Variants in FAM204A observed in about 807,000 individuals in gnomAD.
FAM204A encodes protein FAM204A.
In FAM204A, 16 loss-of-function variants were observed where a neutral mutation model predicts 35.4. That is an observed-to-expected ratio of 0.45 (90% confidence interval 0.31 to 0.69). The LOEUF (loss-of-function observed/expected upper bound fraction) is 0.69. Among genes scored for constraint, FAM204A ranks in the 30% least tolerant of loss-of-function variants. The pLI is 0.07. For synonymous variants in FAM204A, 76 were observed against 86.9 expected (o/e 0.88, Z 0.70); for missense variants, 240 against 265.7 (o/e 0.90, Z 0.67).
At position 118,299,091 on chromosome 10, in the gene FAM204A, T is replaced by C. The variant is rs186037761; in HGVS notation, c.*11766A>G. On this transcript the variant is annotated 3_prime_UTR_variant, in exon 9 of 9. Coordinates refer to ENST00000369183, the MANE Select transcript of FAM204A (RefSeq NM_022063.3). Reference sequence around the variant, plus strand: ...TTCCCTCTGGGCCCACATCATTTTCTTGTCTTGGGCAGCAGATCATTCCTT... The same window carrying C: ...TTCCCTCTGGGCCCACATCATTTTCCTGTCTTGGGCAGCAGATCATTCCTT... The C allele has an allele frequency of 1.2e-4, 18 of 152,322 alleles. No individual in the cohort carries two copies. The highest frequency in any genetic ancestry group is 3.8e-4 in the African/African-American group (16 of 41,562). The allele number at this position is 152,322 out of a possible 1,614,324, so 9.4% of individuals were successfully genotyped here. A position where few individuals can be genotyped will look rare whatever the true frequency, so the allele number is the denominator to read the frequency against.
intron 6 of FAM204A, among the ~76,000 whole-genome samples, chr10:118,329,472 T>C (rs1450085530): frequency 2.0e-5 from 3 of 152,302 alleles, no homozygotes; most frequent in Non-Finnish European, 2.9e-5. Context: ...TCTGATGTGC[T>C]TCTCTTTGAA....
chr10:118,311,394 G>T, intron 7 of FAM204A, 81 bp from the exon 8 acceptor site: 1 of 1,100,752 alleles, frequency 9.1e-7, no homozygotes, highest in South Asian at 1.5e-5. Context: ...AAATAATTGA[G>T]AACTTGTGGG....
At chr10:118,325,551 C>T (rs1385982147) in intron 7 of FAM204A, among the ~76,000 whole-genome samples, 1 of 152,094 alleles carries the variant, frequency 6.6e-6, no homozygotes, top group Non-Finnish European at 1.5e-5. Flanking sequence ...AATATGAGCT[C>T]TTTAATCTAT....
chr10:118,335,141 C>A lies in FAM204A; in HGVS notation c.426G>T (p.Pro142=), dbSNP rs143996455. 4 of 1,613,046 alleles carry A rather than the reference C, an allele frequency of 2.5e-6. No individual in the cohort carries two copies. The African/African-American group carries it at 5.3e-5, about 22-fold the overall frequency. The change falls in exon 6 of 9, where the codon CCG becomes CCT. Residue 142 remains proline (P), a synonymous_variant. Transcript: ENST00000369183. ...TCTCAACTTTTTTCCTTTTAACAGG[C>A]GGGTCAAATCTATCATTGACTCCAA... The part of the protein sequence containing the change: ...QYFGVNDRFD[P]PVKRKKVEKS...
intron 8 of FAM204A, 74 bp downstream of exon 8, chr10:118,311,133 T>C (rs1845945307): frequency 1.5e-6 from 2 of 1,371,352 alleles, no homozygotes; most frequent in Admixed American, 4.0e-5. Flanking sequence ...ATACACGAAC[T>C]AGATCACAAA....
chr10:118,340,230 A>G (rs1286021475), intron 2 of FAM204A, among the ~76,000 whole-genome samples: 2 of 152,234 alleles, frequency 1.3e-5, no homozygotes, highest in Admixed American at 1.3e-4. Context: ...AAGGTTGAGT[A>G]GACACAATCT....
intron 6 of FAM204A, among the ~76,000 whole-genome samples, chr10:118,329,458 T>A (rs1320730126): frequency 6.6e-6 from 1 of 152,192 alleles, no homozygotes; most frequent in African/African-American, 2.4e-5. Context: ...ATGTTCCCTG[T>A]GCCTCTGATG....
intron 6 of FAM204A, among the ~76,000 whole-genome samples, chr10:118,329,700 G>A (rs1205762991): frequency 5.9e-5 from 9 of 152,226 alleles, no homozygotes; most frequent in Admixed American, 5.2e-4. Flanking sequence ...CCTATACTCA[G>A]TGAGAGCAGG....
intron 2 of FAM204A, among the ~76,000 whole-genome samples, chr10:118,340,585 T>C (rs980486433): frequency 1.1e-4 from 16 of 152,022 alleles, no homozygotes; most frequent in Admixed American, 6.6e-5. Flanking sequence ...GTAGATAAGG[T>C]TTCTCTCCTC....
At position 118,304,138 on chromosome 10, in the gene FAM204A, G is replaced by A. The variant is rs1225405909; in HGVS notation, c.*6719C>T. On this transcript the variant is annotated 3_prime_UTR_variant, in exon 9 of 9. Coordinates refer to ENST00000369183, the MANE Select transcript of FAM204A (RefSeq NM_022063.3). ...CCACCTCTCCACCATTATCTTGCCT[G>A]ACAGCTCAGCGGCATTTGTTCCTGT... 1 of 152,180 alleles carries A rather than the reference G, an allele frequency of 6.6e-6. No homozygotes were observed. The highest frequency in any genetic ancestry group is 1.5e-5 in the Non-Finnish European group (1 of 68,024). 9.4% of individuals were successfully genotyped at this position (152,180 alleles called of 1,614,324 possible). A position where few individuals can be genotyped will look rare whatever the true frequency, so the allele number is the denominator to read the frequency against.
rs184711190 is a variant in FAM204A at position 118,305,590 on chromosome 10, T to G, written c.*5267A>C. ...AAGTATATACTCAGGTAACTAAAAT[T>G]TTTAAGTCTACATTACTTCTTATAT... On this transcript the variant is annotated 3_prime_UTR_variant, in exon 9 of 9. Transcript: ENST00000369183. The G allele has an allele frequency of 2.6e-5, 4 of 152,304 alleles. No homozygotes were observed. Among genetic ancestry groups the G allele is most frequent in the Admixed American group, 2.0e-4 (3 of 15,306 alleles). 9.4% of individuals were successfully genotyped at this position (152,304 alleles called of 1,614,324 possible). A position where few individuals can be genotyped will look rare whatever the true frequency, so the allele number is the denominator to read the frequency against.
intron 7 of FAM204A, among the ~76,000 whole-genome samples, chr10:118,316,089 C>T (rs2133269475): frequency 6.6e-6 from 1 of 151,978 alleles, no homozygotes; most frequent in Non-Finnish European, 1.5e-5. Flanking sequence ...AAAATGCCTT[C>T]CAAAAAACAA....
rs1367698530 is a variant in FAM204A at position 118,306,964 on chromosome 10, A to C, written c.*3893T>G. On this transcript the variant is annotated 3_prime_UTR_variant, in exon 9 of 9. Coordinates refer to ENST00000369183, the MANE Select transcript of FAM204A (RefSeq NM_022063.3). ...TAAAGAATGCAGTTCTGCACATTTT[A>C]TCAAAATCTACAGAGCTCCCCAACC... 1 of 152,264 alleles carries C rather than the reference A, an allele frequency of 6.6e-6. No homozygotes were observed. The highest frequency in any genetic ancestry group is 1.5e-5 in the Non-Finnish European group (1 of 68,050). The allele number at this position is 152,264 out of a possible 1,614,324, so 9.4% of individuals were successfully genotyped here.
chr10:118,324,071 C>T lies in FAM204A; in HGVS notation c.543+2083G>A, dbSNP rs1349657305. 2.6e-5 allele frequency among the ~76,000 whole-genome samples: 4 copies of T among 152,104 alleles called. No individual in the cohort carries two copies. In the South Asian group the frequency reaches 6.2e-4, roughly 24 times the overall value. ...TTTATGGCACCATTCAACACACTTT[C>T]AAATTCACTTTATTAAAATGAGATA... On this transcript the variant is annotated intron_variant, in intron 7 of 8. Transcript: ENST00000369183.
intron 8 of FAM204A, 121 bp from the exon 9 acceptor site, chr10:118,311,029 C>T: frequency 9.4e-7 from 1 of 1,068,084 alleles, no homozygotes; most frequent in East Asian, 2.5e-5. Context: ...CCAATGATTA[C>T]AAAATAAACA....
At chr10:118,314,180 AAATAT>A (rs1362025940) in intron 7 of FAM204A, among the ~76,000 whole-genome samples, 2 of 152,202 alleles carry the variant, frequency 1.3e-5, no homozygotes, top group African/African-American at 4.8e-5. Context: ...TGAGCTTAAT[AAATAT>A]AATAAACAAC....
intron 2 of FAM204A, among the ~76,000 whole-genome samples, chr10:118,336,709 A>G (rs1370925491): frequency 6.6e-6 from 1 of 152,222 alleles, no homozygotes; most frequent in Non-Finnish European, 1.5e-5. Flanking sequence ...ATTCTCTAAT[A>G]TATGAGTAGT....
chr10:118,327,347 A>G (rs1326497019), intron 6 of FAM204A, among the ~76,000 whole-genome samples: 1 of 152,216 alleles, frequency 6.6e-6, no homozygotes, highest in East Asian at 1.9e-4. Context: ...ACAGAAATAA[A>G]GACCAGTGAC....
rs1360615204 is a variant in FAM204A at position 118,306,386 on chromosome 10, A to G, written c.*4471T>C. 6.6e-6 allele frequency: 1 copy of G among 152,240 alleles called. No individual in the cohort carries two copies. Among genetic ancestry groups the G allele is most frequent in the African/African-American group, 2.4e-5 (1 of 41,474 alleles). 9.4% of individuals were successfully genotyped at this position (152,240 alleles called of 1,614,324 possible). On this transcript the variant is annotated 3_prime_UTR_variant, in exon 9 of 9. Transcript: ENST00000369183. The stretch of plus-strand genomic sequence containing the variant: ...CTTCCTTGAGAAACCTGGTCCGGAT[A>G]TAAAAGCACATACTTAAATTCAATT...
Sources: gnomAD v4.1 joint callset for allele counts (sites outside exome capture counted in the v4.1 genomes callset) on GRCh38, gnomAD v4.1.1 for gene constraint, MANE v1.5 for transcripts, NCBI Gene and HGNC (gene_info 2026-07-23, HGNC 2026-07-21) for gene names.